Variants in TICAM2 observed in about 807,000 individuals in gnomAD.
TICAM2 encodes the protein TIR domain containing adaptor molecule 2.
Under a neutral mutation model 7.3 loss-of-function variants are expected in TICAM2, and 8 were observed. The ratio of observed to expected loss-of-function variants is 1.10; its 90% CI spans 0.65 to 1.99. The LOEUF (loss-of-function observed/expected upper bound fraction) is 1.99, where lower values mean the gene tolerates loss of function less well. TICAM2 is among the 30% of genes most tolerant of loss of function. The probability of loss-of-function intolerance (pLI) is 0.00; values close to 1 mark genes in which losing one functional copy is unlikely to be tolerated. For missense variants in TICAM2, 304 were observed against 278.8 expected, an observed-to-expected ratio of 1.09 and a Z score of -0.65; for synonymous variants, 113 against 99.6, an observed-to-expected ratio of 1.13 and a Z score of -0.80.
rs890852724 is a variant in TICAM2 at position 115,580,168 on chromosome 5, AT to A, written c.*380del. ...AAGTGTGATCAGATCTCCTGGGGCC[AT>A]TTTTTTTCTGTGTCCTTTGAGATCA... On this transcript the variant is annotated 3_prime_UTR_variant, in exon 2 of 2. Transcript: ENST00000427199. The A allele has an allele frequency of 2.4e-5, 4 of 165,828 alleles. No individual in the cohort carries two copies. Among genetic ancestry groups the A allele is most frequent in the Non-Finnish European group, 5.2e-5 (4 of 77,180 alleles). The allele number at this position is 165,828 out of a possible 1,614,324, so 10.3% of individuals were successfully genotyped here.
chr5:115,581,662 A>G (rs1483039036), intron 1 of TICAM2: 3 of 195,414 alleles, frequency 1.5e-5, no homozygotes, highest in African/African-American at 4.7e-5. Flanking sequence ...CATGCAGTTT[A>G]AATCTAATTT....
rs115254810 is a variant in TICAM2, at chr5:115,582,477, C to G, written c.-59-1162G>C. Reference sequence around the variant, plus strand: ...TATGAGCTACCACGTCTGGCCTAGACTCATTCTTTTATTTAAAAAAATTCT... The same window carrying G: ...TATGAGCTACCACGTCTGGCCTAGAGTCATTCTTTTATTTAAAAAAATTCT... On this transcript the variant is annotated intron_variant, in intron 1 of 1. Coordinates refer to ENST00000427199, the MANE Select transcript of TICAM2 (RefSeq NM_021649.7). Among the ~76,000 whole-genome samples, 1,498 of 151,872 alleles carry G rather than the reference C, an allele frequency of 9.9e-3. 29 individuals carry two copies. The highest frequency in any genetic ancestry group is 0.035 in the African/African-American group (1,438 of 41,410).
rs533206810 is a variant in TICAM2, at chr5:115,597,393, T to C, written c.-60+4704A>G. Among the ~76,000 whole-genome samples, 3 of 152,318 alleles carry C rather than the reference T, an allele frequency of 2.0e-5. No individual in the cohort carries two copies. The South Asian group carries it at 6.2e-4, about 32-fold the overall frequency. ...GAGATCTTGTACAATCATAAGCTAG[T>C]CAAAATTCCATTGGAGGTAAAAATA... On this transcript the variant is annotated intron_variant, in intron 1 of 1. Transcript: ENST00000427199.
Position 115,581,113 on chromosome 5 carries a change from G to A in TICAM2, c.144C>T (p.His48=). 2 of 1,614,062 alleles carry A rather than the reference G, an allele frequency of 1.2e-6. No homozygotes were observed. Among genetic ancestry groups the A allele is most frequent in the African/African-American group, 1.3e-5 (1 of 75,002 alleles). ...CTGTTGGCCCCTCTGTTGTATTGCT[G>A]TGCTCAGCAACATTACACAAGGATA... The part of the protein sequence containing the change: ...EDLSLCNVAE[H]SNTTEGPTGK... The change falls in exon 2 of 2, where the codon CAC becomes CAT. Residue 48 remains histidine, a synonymous_variant. Transcript: ENST00000427199.
rs1394225589 is a variant in TICAM2, at chr5:115,579,404, G to C, written c.*1145C>G. On this transcript the variant is annotated 3_prime_UTR_variant, in exon 2 of 2. Transcript: ENST00000427199. ...CATTCATCCTCAGTGGCAGAAATTG[G>C]ACTAGAACCAAGTCTCATGATCCCG... 1 of 152,200 alleles carries C rather than the reference G, an allele frequency of 6.6e-6. No individual in the cohort carries two copies. The highest frequency in any genetic ancestry group is 1.5e-5 in the Non-Finnish European group (1 of 68,040). 9.4% of individuals were successfully genotyped at this position (152,200 alleles called of 1,614,324 possible). A position where few individuals can be genotyped will look rare whatever the true frequency, so the allele number is the denominator to read the frequency against.
At chr5:115,586,744 G>A (rs1370123154) in intron 1 of TICAM2, among the ~76,000 whole-genome samples, 1 of 152,154 alleles carries the variant, frequency 6.6e-6, no homozygotes, top group Non-Finnish European at 1.5e-5. Context: ...GTAAAATCAA[G>A]ATTCCTGTGT....
intron 1 of TICAM2, among the ~76,000 whole-genome samples, chr5:115,594,901 T>TA (rs1432383016): frequency 6.6e-6 from 1 of 152,152 alleles, no homozygotes; most frequent in Admixed American, 6.5e-5. Flanking sequence ...GATTTTTTTT[T>TA]AGGAGACAAG....
chr5:115,602,440 G>C lies in TICAM2; in HGVS notation c.-403C>G, dbSNP rs1755806022. On this transcript the variant is annotated 5_prime_UTR_variant, in exon 1 of 2. Coordinates refer to ENST00000427199, the MANE Select transcript of TICAM2 (RefSeq NM_021649.7). ...CAGGCCCCACCCGGGACGTGGCGCT[G>C]CGGGCCGGGGCGGTCCAGCTGTGAG... 1 of 152,660 alleles carries C rather than the reference G, an allele frequency of 6.6e-6. No individual in the cohort carries two copies. The highest frequency in any genetic ancestry group is 2.4e-5 in the African/African-American group (1 of 41,590). The allele number at this position is 152,660 out of a possible 1,614,324, so 9.5% of individuals were successfully genotyped here.
intron 1 of TICAM2, among the ~76,000 whole-genome samples, chr5:115,596,721 C>A (rs1384886826): frequency 6.6e-6 from 1 of 152,150 alleles, no homozygotes; most frequent in Non-Finnish European, 1.5e-5. Flanking sequence ...AGATCAAGAC[C>A]ATCCTGACTA....
intron 1 of TICAM2, among the ~76,000 whole-genome samples, chr5:115,595,105 G>C (rs573603330): frequency 6.6e-6 from 1 of 152,204 alleles, no homozygotes; most frequent in South Asian, 2.1e-4. Context: ...CATTCCCTCT[G>C]TTGACCAAAG....
At chr5:115,584,129 C>T (rs571763257) in intron 1 of TICAM2, among the ~76,000 whole-genome samples, 1 of 152,298 alleles carries the variant, frequency 6.6e-6, no homozygotes, top group South Asian at 2.1e-4. Context: ...CATCTTTCCA[C>T]TGTTTCTCTA....
In TICAM2 at chr5:115,581,214, G is replaced by A; in HGVS notation, c.43C>T (p.Leu15Phe). 6.2e-7 allele frequency: 1 copy of A among 1,611,740 alleles called. No individual in the cohort carries two copies. The highest frequency in any genetic ancestry group is 8.5e-7 in the Non-Finnish European group (1 of 1,179,972). The change falls in exon 2 of 2, where the codon CTC (leucine) becomes TTC (phenylalanine). Residue 15 changes from leucine (L) to phenylalanine (F), a missense_variant. By Grantham distance (22) the Leu-to-Phe change is conservative (BLOSUM62 0). Coordinates refer to ENST00000427199, the MANE Select transcript of TICAM2 (RefSeq NM_021649.7). ...ACACTGTGCCTTTTACCCCAAGAGA[G>A]AGAAAGAGGGCAGGAATTTATTTTA... ...KSKINSCPLS[L>F]SWGKRHSVDT...
intron 1 of TICAM2, among the ~76,000 whole-genome samples, chr5:115,588,930 C>A (rs1755208066): frequency 1.3e-5 from 2 of 152,226 alleles, no homozygotes; most frequent in Admixed American, 6.5e-5. Context: ...AGAAACCCAA[C>A]CTAGAGTGCA....
At chr5:115,598,965 G>T (rs1755612452) in intron 1 of TICAM2, among the ~76,000 whole-genome samples, 1 of 151,540 alleles carries the variant, frequency 6.6e-6, no homozygotes, top group Non-Finnish European at 1.5e-5. Context: ...GCAGTGGTAT[G>T]TGCCTCTAGG....
chr5:115,584,930 T>C (rs1427241090), intron 1 of TICAM2, among the ~76,000 whole-genome samples: 2 of 152,068 alleles, frequency 1.3e-5, no homozygotes, highest in Non-Finnish European at 2.9e-5. Context: ...ACATGGCAAA[T>C]ATGCTATGGT....
At position 115,580,736 on chromosome 5, in the gene TICAM2, C is replaced by T. The variant is rs201750391; in HGVS notation, c.521G>A (p.Arg174Gln). The change falls in exon 2 of 2, where the codon CGG (arginine) becomes CAG (glutamine). Residue 174 changes from arginine to glutamine, a missense_variant. By Grantham distance (43) the Arg-to-Gln change is conservative (BLOSUM62 1). Transcript: ENST00000427199. ...QHKYNSVIPMRPLNNPLPRER... is the reference protein window; with the variant it reads ...QHKYNSVIPMQPLNNPLPRER... ...TCGGGGAAGGGGATTGTTCAGGGGC[C>T]GCATGGGTATAACAGAGTTGTATTT... 47 of 1,601,720 alleles carry T rather than the reference C, an allele frequency of 2.9e-5. No individual in the cohort carries two copies. Among genetic ancestry groups the T allele is most frequent in the Admixed American group, 1.6e-4 (9 of 57,780 alleles).
In TICAM2 at chr5:115,597,746, T is replaced by C. The variant is rs73254582; in HGVS notation, c.-60+4351A>G. On this transcript the variant is annotated intron_variant, in intron 1 of 1. Transcript: ENST00000427199. ...CCCTGCATATACCAAAATCCAAGAA[T>C]ACTCAAGTCCCACAGTCAGCCTGCA... Among the ~76,000 whole-genome samples the C allele has an allele frequency of 8.9e-3, 1,350 of 152,220 alleles. 16 individuals carry two copies. The highest frequency in any genetic ancestry group is 0.031 in the African/African-American group (1,286 of 41,536).
intron 1 of TICAM2, among the ~76,000 whole-genome samples, chr5:115,593,112 T>C (rs1476926818): frequency 1.3e-5 from 2 of 152,202 alleles, no homozygotes. Flanking sequence ...CACTGCACTC[T>C]AGCCTGGGCG....
intron 1 of TICAM2, among the ~76,000 whole-genome samples, chr5:115,585,369 C>T (rs1162138796): frequency 6.6e-6 from 1 of 152,154 alleles, no homozygotes; most frequent in Non-Finnish European, 1.5e-5. Flanking sequence ...TCTTACCAGT[C>T]AATGAGGAGA....
Sources: gnomAD v4.1 joint callset for allele counts (sites outside exome capture counted in the v4.1 genomes callset) on GRCh38, gnomAD v4.1.1 for gene constraint, MANE v1.5 for transcripts, NCBI Gene and HGNC (gene_info 2026-07-23, HGNC 2026-07-21) for gene names.